BSDC1: variants seen among roughly 807,000 people sequenced by gnomAD.
The protein encoded by BSDC1 is BSD domain-containing protein 1.
A neutral mutation model predicts 56.0 loss-of-function variants in BSDC1; 29 were observed. The observed-to-expected ratio is 0.52, with a 90% CI of 0.39 to 0.71. The LOEUF is 0.71. BSDC1 is among the 30% of genes least tolerant of loss of function. The pLI is 0.00. For synonymous variants in BSDC1, 210 were observed against 215.3 expected, an observed-to-expected ratio of 0.98 and a Z score of 0.21; for missense variants, 477 against 548.5, an observed-to-expected ratio of 0.87 and a Z score of 1.30.
intron 9 of BSDC1, among the ~76,000 whole-genome samples, chr1:32,375,256 A>G (rs2148118361): frequency 1.3e-5 from 2 of 152,206 alleles, no homozygotes; most frequent in Middle Eastern, 6.8e-3. Context: ...GGTTTCCATC[A>G]GGGAATAGGT....
chr1:32,381,098 G>A, intron 5 of BSDC1, 116 bp downstream of exon 5: 2 of 910,158 alleles, frequency 2.2e-6, no homozygotes, highest in Non-Finnish European at 3.5e-6. Context: ...GTCTCACTCT[G>A]GTCTCCCTAC....
At position 32,377,971 on chromosome 1, in the gene BSDC1, TTCC is replaced by T. The variant is rs1223745489; in HGVS notation, c.672_674del (p.Glu227del). The T allele has an allele frequency of 6.2e-7, 1 of 1,612,288 alleles. No homozygotes were observed. Among genetic ancestry groups the T allele is most frequent in the Non-Finnish European group, 8.5e-7 (1 of 1,178,976 alleles). On this transcript the variant is annotated inframe_deletion and splice_region_variant, in exon 8 of 11. Transcript: ENST00000455895. ...CCCTCACCTCTCAACGCCTCTTACCTTCCTCCTCCTCCCAGCCGGGCTCTTCAG... is the reference window on the plus strand; with the variant it reads ...CCCTCACCTCTCAACGCCTCTTACCTTCCTCCTCCCAGCCGGGCTCTTCAG...
intron 10 of BSDC1, chr1:32,366,935 G>T (rs2148104277): frequency 8.4e-7 from 1 of 1,187,680 alleles, no homozygotes; most frequent in Non-Finnish European, 1.0e-6. Flanking sequence ...GCTGCCTACA[G>T]GAACCAAGTC....
At chr1:32,379,462 G>A (rs997127398) in intron 5 of BSDC1, among the ~76,000 whole-genome samples, 24 of 152,000 alleles carry the variant, frequency 1.6e-4, no homozygotes, top group African/African-American at 4.8e-4. Flanking sequence ...AGGTACCCCC[G>A]ATACTTCCAC....
At chr1:32,381,961 T>G (rs1325456588) in intron 4 of BSDC1, among the ~76,000 whole-genome samples, 4 of 152,198 alleles carry the variant, frequency 2.6e-5, no homozygotes, top group Non-Finnish European at 5.9e-5. Flanking sequence ...GTGCGGTGGC[T>G]CACGCCTGTA....
chr1:32,385,613 G>C (rs146415385), intron 3 of BSDC1, among the ~76,000 whole-genome samples: 10 of 152,204 alleles, frequency 6.6e-5, no homozygotes, highest in African/African-American at 2.4e-4. Flanking sequence ...TGTGGTCCCA[G>C]CTATTTGGGA....
chr1:32,386,265 G>A (rs1468234090), intron 3 of BSDC1, among the ~76,000 whole-genome samples: 2 of 148,622 alleles, frequency 1.3e-5, no homozygotes, highest in African/African-American at 5.0e-5. Context: ...CTTGCAGTGA[G>A]CCGAGATGGC....
intron 2 of BSDC1, among the ~76,000 whole-genome samples, chr1:32,391,881 A>G (rs1442720685): frequency 2.6e-5 from 4 of 152,254 alleles, no homozygotes; most frequent in Non-Finnish European, 5.9e-5. Flanking sequence ...TCAGCACTTA[A>G]TAACAGCTAA....
intron 9 of BSDC1, chr1:32,374,602 G>C (rs1459938953): frequency 6.6e-6 from 1 of 152,164 alleles, no homozygotes; most frequent in African/African-American, 2.4e-5. Context: ...AGGTCACCGC[G>C]CCTTAAACAT....
At chr1:32,369,744 T>C (rs1432316050) in intron 9 of BSDC1, among the ~76,000 whole-genome samples, 1 of 152,238 alleles carries the variant, frequency 6.6e-6, no homozygotes, top group African/African-American at 2.4e-5. Context: ...TGGCCTACAC[T>C]GACCATCCTA....
At position 32,378,896 on chromosome 1, in the gene BSDC1, G is replaced by A; in HGVS notation, c.413-57C>T. The A allele has an allele frequency of 8.4e-7, 1 of 1,187,620 alleles. No individual in the cohort carries two copies. The highest frequency in any genetic ancestry group is 1.1e-6 in the Non-Finnish European group (1 of 871,774). The allele number at this position is 1,187,620 out of a possible 1,614,324, so 73.6% of individuals were successfully genotyped here. A position where few individuals can be genotyped will look rare whatever the true frequency, so the allele number is the denominator to read the frequency against. On this transcript the variant is annotated intron_variant, in intron 5 of 10. Coordinates refer to ENST00000455895, the MANE Select transcript of BSDC1 (RefSeq NM_018045.8). The surrounding 1 kb of genome is among the most constrained non-coding windows in gnomAD (Gnocchi z 5.2). ...CCTTGGTCTGGGAAAAGAACACTGG[G>A]CTTACAGAACATATCTAAGGCTGGA... is the stretch of plus-strand genomic sequence containing the variant.
At chr1:32,394,170 C>T in intron 1 of BSDC1, 30 bp from the exon 2 acceptor site, 4 of 1,600,812 alleles carry the variant, frequency 2.5e-6, no homozygotes, top group Admixed American at 1.7e-5. Context: ...CTGGCAGCAC[C>T]GCGGTGCGAT....
intron 2 of BSDC1, among the ~76,000 whole-genome samples, chr1:32,389,359 A>G (rs1642787254): frequency 6.6e-6 from 1 of 152,246 alleles, no homozygotes; most frequent in Non-Finnish European, 1.5e-5. Flanking sequence ...GACACAGAGC[A>G]TACAGTAGGT....
rs189345900 is a variant in BSDC1 at position 32,371,949 on chromosome 1, A to G, written c.1157-3399T>C. The stretch of plus-strand genomic sequence containing the variant: ...AACCACTGGAGAAGCGTATTAAAAT[A>G]CAGACTCCTACCCTGCCCACCCCCA... On this transcript the variant is annotated intron_variant, in intron 9 of 10. Transcript: ENST00000455895. Among the ~76,000 whole-genome samples the G allele has an allele frequency of 2.6e-4, 39 of 152,346 alleles. No homozygotes were observed. In the East Asian group the frequency reaches 7.3e-3, roughly 29 times the overall value.
At position 32,364,832 on chromosome 1, in the gene BSDC1, G is replaced by C. The variant is rs1641786683; in HGVS notation, c.*1790C>G. Among the ~76,000 whole-genome samples, 1 of 152,238 alleles carries C rather than the reference G, an allele frequency of 6.6e-6. No individual in the cohort carries two copies. Among genetic ancestry groups the C allele is most frequent in the East Asian group, 1.9e-4 (1 of 5,202 alleles). ...AGGATAAAAATGACCAAGAGCAACT[G>C]AAGCCATTCTTGTTGCAACTTCCTT... is the stretch of plus-strand genomic sequence containing the variant. On this transcript the variant is annotated 3_prime_UTR_variant, in exon 11 of 11. Coordinates refer to ENST00000455895, the MANE Select transcript of BSDC1 (RefSeq NM_018045.8).
chr1:32,391,724 G>A (rs1275210055), intron 2 of BSDC1, among the ~76,000 whole-genome samples: 3 of 152,150 alleles, frequency 2.0e-5, no homozygotes, highest in Non-Finnish European at 2.9e-5. Context: ...GGTCTTCAGG[G>A]CAATGTGTTC....
At chr1:32,382,920 G>C (rs1283928478) in intron 4 of BSDC1, among the ~76,000 whole-genome samples, 4 of 146,856 alleles carry the variant, frequency 2.7e-5, no homozygotes, top group African/African-American at 7.6e-5. Context: ...GCAAAAATAC[G>C]CTACTGTGGC....
intron 9 of BSDC1, chr1:32,369,349 A>G (rs1641982783): frequency 3.9e-6 from 5 of 1,275,694 alleles, no homozygotes; most frequent in Non-Finnish European, 5.1e-6. Context: ...CTAGAAAAAA[A>G]TTTAAAAATT....
At chr1:32,367,067 T>A in intron 10 of BSDC1, 4 of 994,248 alleles carry the variant, frequency 4.0e-6, no homozygotes, top group Non-Finnish European at 4.8e-6. Flanking sequence ...ACCAGTGTAA[T>A]CAAGGGCAAG....
Sources: gnomAD v4.1 joint callset for allele counts (sites outside exome capture counted in the v4.1 genomes callset) on GRCh38, gnomAD v4.1.1 for gene constraint, Gnocchi (gnomAD v3.1) non-coding constraint, MANE v1.5 for transcripts, NCBI Gene and HGNC (gene_info 2026-07-23, HGNC 2026-07-21) for gene names.